The following DDX1 variants were observed in gnomAD, a reference collection of about 807,000 sequenced individuals.
DDX1 encodes the protein ATP-dependent RNA helicase DDX1.
Under a neutral mutation model 108.7 loss-of-function variants are expected in DDX1, and 28 were observed. That is an observed-to-expected ratio of 0.26 (90% CI 0.19 to 0.35). The LOEUF (loss-of-function observed/expected upper bound fraction) is 0.35. DDX1 is among the 10% of genes least tolerant of loss of function. The probability of loss-of-function intolerance (pLI) is 1.00; values close to 1 mark genes in which losing one functional copy is unlikely to be tolerated. For synonymous variants in DDX1, 295 were observed against 288.9 expected, an observed-to-expected ratio of 1.02 and a Z score of -0.21; for missense variants, 710 against 884.5, an observed-to-expected ratio of 0.80 and a Z score of 2.50.
chr2:15,620,233 A>G lies in DDX1; in HGVS notation c.1232A>G (p.His411Arg), dbSNP rs1472697585. The G allele has an allele frequency of 6.2e-7, 1 of 1,613,820 alleles. No homozygotes were observed. The highest frequency in any genetic ancestry group is 2.2e-5 in the East Asian group (1 of 44,856). ...LQVIVCSATL[H>R]SFDVKKLSEK... is the part of the protein sequence containing the mutation. The stretch of plus-strand genomic sequence containing the variant: ...GTGATTGTTTGCTCTGCCACTTTGC[A>G]TTCTTTCGATGTAAAGAAACTGTCC... The change falls in exon 17 of 26, where the codon CAT becomes CGT. Residue 411 changes from histidine (H) to arginine (R), a missense_variant. This residue lies in a region of DDX1 where 661 missense variants were observed against 810.2 expected (regional missense o/e 0.82). Coordinates refer to ENST00000233084, the MANE Select transcript of DDX1 (RefSeq NM_004939.3).
At chr2:15,622,901 A>G (rs1033936149) in intron 18 of DDX1, among the ~76,000 whole-genome samples, 2 of 152,212 alleles carry the variant, frequency 1.3e-5, no homozygotes, top group Non-Finnish European at 1.5e-5. Context: ...ACTGAAAAAT[A>G]GAGAGTTGGA....
chr2:15,624,679 T>G (rs1666069457), intron 19 of DDX1, among the ~76,000 whole-genome samples: 2 of 152,162 alleles, frequency 1.3e-5, no homozygotes, highest in Non-Finnish European at 2.9e-5. Flanking sequence ...AAGATGAGAT[T>G]TGGATGGAGA....
chr2:15,600,585 G>T (rs538747895), intron 6 of DDX1, among the ~76,000 whole-genome samples: 1 of 151,916 alleles, frequency 6.6e-6, no homozygotes, highest in Non-Finnish European at 1.5e-5. Context: ...TTTCCCTTGG[G>T]GGTCAGCTTT....
At chr2:15,619,827 A>G (rs941612716) in intron 16 of DDX1, among the ~76,000 whole-genome samples, 4 of 152,212 alleles carry the variant, frequency 2.6e-5, no homozygotes, top group African/African-American at 9.6e-5. Context: ...AAGGAAAAAT[A>G]ACTTCAGCTA....
At chr2:15,617,446 C>A (rs943725667) in intron 15 of DDX1, 104 bp downstream of exon 15, 5 of 490,390 alleles carry the variant, frequency 1.0e-5, no homozygotes, top group African/African-American at 1.0e-4. Flanking sequence ...ATCCTACTAC[C>A]TAGAGATAAT....
At chr2:15,604,641 T>C (rs1665636309) in intron 10 of DDX1, 132 bp downstream of exon 10, 3 of 649,242 alleles carry the variant, frequency 4.6e-6, no homozygotes. Flanking sequence ...TAATATTTAT[T>C]GAGCATTGAC....
chr2:15,613,335 A>G, intron 14 of DDX1, 51 bp downstream of exon 14: 1 of 1,248,704 alleles, frequency 8.0e-7, no homozygotes, highest in East Asian at 2.4e-5. Context: ...CTGTCGTTTT[A>G]GCAATACAGC....
intron 16 of DDX1, among the ~76,000 whole-genome samples, chr2:15,618,549 T>G (rs114510992): frequency 6.6e-5 from 10 of 152,198 alleles, no homozygotes; most frequent in Non-Finnish European, 1.2e-4. Flanking sequence ...CCAGGCACAT[T>G]GGCTGCGGCA....
chr2:15,627,029 A>G (rs754469931), intron 19 of DDX1, 25 bp from the exon 20 acceptor site: 1 of 1,509,378 alleles, frequency 6.6e-7, no homozygotes, highest in South Asian at 1.2e-5. Context: ...TTCCAAGGTT[A>G]AATGCTTAAT....
chr2:15,621,163 T>G (rs1665998896), intron 18 of DDX1, 47 bp downstream of exon 18: 3 of 1,343,970 alleles, frequency 2.2e-6, no homozygotes, highest in Non-Finnish European at 1.1e-6. Context: ...AAAATGAAAT[T>G]TATACCTTAC....
At chr2:15,596,680 ATTTC>A in intron 3 of DDX1, 50 bp from the exon 4 acceptor site, 1 of 1,521,504 alleles carries the variant, frequency 6.6e-7, no homozygotes. Flanking sequence ...TGTTAGTTTG[ATTTC>A]TTTAATAGAC....
chr2:15,605,984 A>G lies in DDX1; in HGVS notation c.660A>G (p.Pro220=), dbSNP rs1314845421. The G allele has an allele frequency of 1.9e-6, 3 of 1,585,526 alleles. No homozygotes were observed. Among genetic ancestry groups the G allele is most frequent in the Non-Finnish European group, 1.7e-6 (2 of 1,170,624 alleles). The change falls in exon 11 of 26, where the codon CCA becomes CCG. Residue 220 remains proline (P), a synonymous_variant. Coordinates refer to ENST00000233084, the MANE Select transcript of DDX1 (RefSeq NM_004939.3). ...TTGGTCTGGCATTTGAAATACCACC[A>G]CATATGAAAAACCAAGCCCTCTTTC... ...KDLGLAFEIP[P]HMKNQALFPA...
At chr2:15,614,552 G>A (rs1002870893) in intron 14 of DDX1, among the ~76,000 whole-genome samples, 2 of 152,114 alleles carry the variant, frequency 1.3e-5, no homozygotes, top group Admixed American at 1.3e-4. Flanking sequence ...TGATTAGATC[G>A]CGAGGGCTTT....
intron 23 of DDX1, 34 bp from the exon 24 acceptor site, chr2:15,629,568 A>G: frequency 1.4e-6 from 2 of 1,442,518 alleles, no homozygotes; most frequent in Non-Finnish European, 9.6e-7. Flanking sequence ...CTCTATCTCC[A>G]TGCATGTTAA....
chr2:15,602,702 GTTGT>G (rs767018133), intron 7 of DDX1, 71 bp downstream of exon 7: 138 of 1,222,698 alleles, frequency 1.1e-4, no homozygotes, highest in Non-Finnish European at 1.5e-4. Context: ...TTTTTTTGTT[GTTGT>G]TTGTTTGTTT....
At chr2:15,610,006 C>G (rs527793088) in intron 13 of DDX1, among the ~76,000 whole-genome samples, 1 of 152,168 alleles carries the variant, frequency 6.6e-6, no homozygotes, top group Non-Finnish European at 1.5e-5. Context: ...TGCCTCATAG[C>G]TCACTGCAGT....
At chr2:15,623,963 A>G (rs1054096031) in intron 19 of DDX1, among the ~76,000 whole-genome samples, 4 of 152,200 alleles carry the variant, frequency 2.6e-5, no homozygotes, top group African/African-American at 7.2e-5. Flanking sequence ...AGAGCAAGAA[A>G]GGAAGGGGAA....
chr2:15,593,408 AG>A (rs1239796852), intron 1 of DDX1, among the ~76,000 whole-genome samples: 1 of 152,224 alleles, frequency 6.6e-6, no homozygotes, highest in Non-Finnish European at 1.5e-5. Context: ...GACTGGAAAA[AG>A]TCTGTGATAT....
intron 1 of DDX1, among the ~76,000 whole-genome samples, chr2:15,594,250 A>C (rs1165782093): frequency 6.6e-6 from 1 of 152,094 alleles, no homozygotes; most frequent in African/African-American, 2.4e-5. Flanking sequence ...AGAATTTCAG[A>C]ATTGGTTATT....
Sources: gnomAD v4.1 joint callset for allele counts (sites outside exome capture counted in the v4.1 genomes callset) on GRCh38, gnomAD v4.1.1 for gene constraint, gnomAD v4.1.1 regional missense constraint, MANE v1.5 for transcripts, NCBI Gene and HGNC (gene_info 2026-07-23, HGNC 2026-07-21) for gene names.